The following PHACTR2 variants were observed in gnomAD, a reference collection of about 807,000 sequenced individuals.
The protein encoded by PHACTR2 is phosphatase and actin regulator 2.
PHACTR2 carries 30 observed loss-of-function variants against 76.0 expected under a neutral mutation model. The observed-to-expected ratio is 0.39, with a 90% CI of 0.30 to 0.54. The LOEUF (loss-of-function observed/expected upper bound fraction) is 0.54. Ranked by LOEUF, PHACTR2 falls within the 20% of genes least tolerant of loss-of-function variation. The pLI is 0.61. For missense variants in PHACTR2, 696 were observed against 781.1 expected (o/e 0.89, Z 1.30); for synonymous variants, 292 against 292.5 (o/e 1.00, Z 0.02).
Position 143,598,924 on chromosome 6 carries a change from C to T in PHACTR2, c.217+61717C>T, listed in dbSNP as rs545734306. On this transcript the variant is annotated intron_variant, in intron 1 of 11. Coordinates refer to the PHACTR2 transcript ENST00000367584. The surrounding 1 kb of genome is among the most constrained non-coding windows in gnomAD (Gnocchi z 4.1). ...CTGTTATCTGTTCCAGGTTTAGTGG[C>T]GTGAATAGTAAACATAGTAGATTAG... Among the ~76,000 whole-genome samples the T allele has an allele frequency of 2.0e-5, 3 of 152,210 alleles. No individual in the cohort carries two copies. Among genetic ancestry groups the T allele is most frequent in the Non-Finnish European group, 4.4e-5 (3 of 68,014 alleles).
rs1227826539 is a variant in PHACTR2, at chr6:143,664,006, CCTT to C, written c.14-48009_14-48007del. Among the ~76,000 whole-genome samples the C allele has an allele frequency of 4.0e-5, 6 of 151,756 alleles. No homozygotes were observed. The highest frequency in any genetic ancestry group is 7.3e-5 in the African/African-American group (3 of 41,316). On this transcript the variant is annotated intron_variant, in intron 1 of 11. Transcript: ENST00000305766. This position sits in a 1 kb window ranked among gnomAD's most constrained non-coding sequence, Gnocchi z 5.1. Reference sequence around the variant, plus strand: ...TTTTGATGGTATGTTAAAAATCTCTCCTTATTATTGTGGATCTGTCCGTTTATC... The same window carrying C: ...TTTTGATGGTATGTTAAAAATCTCTCATTATTGTGGATCTGTCCGTTTATC...
rs1054707719 is a variant in PHACTR2, at chr6:143,818,902, G to T, written c.1923-4772G>T. Among the ~76,000 whole-genome samples, 2 of 152,256 alleles carry T rather than the reference G, an allele frequency of 1.3e-5. No homozygotes were observed. The highest frequency in any genetic ancestry group is 2.9e-5 in the Non-Finnish European group (2 of 68,028). On this transcript the variant is annotated intron_variant, in intron 12 of 12. Coordinates refer to ENST00000440869, the MANE Select transcript of PHACTR2 (RefSeq NM_001100164.2). The surrounding 1 kb of genome is among the most constrained non-coding windows in gnomAD (Gnocchi z 4.9). ...CTTTCACATTGTATATAAAATATTT[G>T]ATTTAAGAGGTTTTCAGTTACTCTT...
chr6:143,790,442 G>A (rs1356356848), intron 11 of PHACTR2, among the ~76,000 whole-genome samples: 1 of 152,076 alleles, frequency 6.6e-6, no homozygotes, highest in African/African-American at 2.4e-5. Flanking sequence ...TGAGGACGGA[G>A]GGAGAGCACA....
Position 143,596,035 on chromosome 6 carries a change from A to G in PHACTR2, c.217+58828A>G, listed in dbSNP as rs1464186410. Among the ~76,000 whole-genome samples, 6 of 152,368 alleles carry G rather than the reference A, an allele frequency of 3.9e-5. No individual in the cohort carries two copies. The highest frequency in any genetic ancestry group is 5.9e-5 in the Non-Finnish European group (4 of 68,028). On this transcript the variant is annotated intron_variant, in intron 1 of 11. Coordinates refer to the PHACTR2 transcript ENST00000367584. This position sits in a 1 kb window ranked among gnomAD's most constrained non-coding sequence, Gnocchi z 4.6. ...ATAGTACTTTAAAGAATAAAAGAAC[A>G]CTTGAGAATGATTCAGTTGGCGGAG...
At position 143,595,230 on chromosome 6, in the gene PHACTR2, C is replaced by T. The variant is rs1356369678; in HGVS notation, c.217+58023C>T. 6.6e-6 allele frequency among the ~76,000 whole-genome samples: 1 copy of T among 152,110 alleles called. No homozygotes were observed. Among genetic ancestry groups the T allele is most frequent in the African/African-American group, 2.4e-5 (1 of 41,424 alleles). On this transcript the variant is annotated intron_variant, in intron 1 of 11. Transcript: ENST00000367584. This position sits in a 1 kb window ranked among gnomAD's most constrained non-coding sequence, Gnocchi z 4.2. ...GGATGGGCACTAAAATATATATGAA[C>T]TAAGTTAAGTATGTCAAATGACACA...
intron 9 of PHACTR2, among the ~76,000 whole-genome samples, chr6:143,781,857 GT>G (rs1775440289): frequency 6.6e-6 from 1 of 152,168 alleles, no homozygotes; most frequent in Non-Finnish European, 1.5e-5. Context: ...TTAACTCATT[GT>G]TTCTTGTCTT....
Position 143,801,812 on chromosome 6 carries a change from TGG to T in PHACTR2, c.1846-5244_1846-5243del, listed in dbSNP as rs1775961109. Among the ~76,000 whole-genome samples, 1 of 152,186 alleles carries T rather than the reference TGG, an allele frequency of 6.6e-6. No individual in the cohort carries two copies. The highest frequency in any genetic ancestry group is 6.5e-5 in the Admixed American group (1 of 15,270). ...TTTGGAATTTTCAGCCTTTCTGCCT[TGG>T]TTTCTCCCCATCTTTGTGGTTTTAT... is the stretch of plus-strand genomic sequence containing the variant. On this transcript the variant is annotated intron_variant, in intron 11 of 12. Transcript: ENST00000440869. This position sits in a 1 kb window ranked among gnomAD's most constrained non-coding sequence, Gnocchi z 4.6.
rs368419361 is a variant in PHACTR2 at position 143,563,293 on chromosome 6, G to A, written c.217+26086G>A. 5.9e-5 allele frequency among the ~76,000 whole-genome samples: 9 copies of A among 152,120 alleles called. 2 individuals carry two copies. The stretch of plus-strand genomic sequence containing the variant: ...GGCTTTTTATCAAGAGAAGAAACCC[G>A]GGGGCTCAAGCCTGTACTCCCAGCA... On this transcript the variant is annotated intron_variant, in intron 1 of 11. Coordinates refer to the PHACTR2 transcript ENST00000367584.
In PHACTR2 at chr6:143,765,613, C is replaced by T. The variant is rs200488499; in HGVS notation, c.1047C>T (p.Pro349=). 2.5e-6 allele frequency: 4 copies of T among 1,614,038 alleles called. No homozygotes were observed. The African/African-American group carries it at 5.3e-5, about 22-fold the overall frequency. ...CTCCAGCACCTTCTCCTCTGGCCCC[C>T]CCTCTCCCTCTTGAGGATCAGTGCA... ...PVAPAPSPLA[P]PLPLEDQCIT... is the part of the protein sequence containing the mutation. The change falls in exon 6 of 13, where the codon CCC becomes CCT. Residue 349 remains proline, a synonymous_variant. Coordinates refer to ENST00000440869, the MANE Select transcript of PHACTR2 (RefSeq NM_001100164.2). The surrounding 1 kb of genome is among the most constrained non-coding windows in gnomAD (Gnocchi z 4.1).
In PHACTR2 at chr6:143,751,392, C is replaced by CT. The variant is rs1779178491; in HGVS notation, c.295+2333dup. On this transcript the variant is annotated intron_variant, in intron 3 of 12. Coordinates refer to ENST00000440869, the MANE Select transcript of PHACTR2 (RefSeq NM_001100164.2). This position sits in a 1 kb window ranked among gnomAD's most constrained non-coding sequence, Gnocchi z 5.7. ...AGTCCAAGTTTGCTGCTTACCTCTG[C>CT]TTTTTTCCCTCCATCTTTTCCCTTA... Among the ~76,000 whole-genome samples, 1 of 152,168 alleles carries CT rather than the reference C, an allele frequency of 6.6e-6. No individual in the cohort carries two copies.
At chr6:143,681,815 G>C (rs1777393720) in intron 1 of PHACTR2, among the ~76,000 whole-genome samples, 1 of 152,186 alleles carries the variant, frequency 6.6e-6, no homozygotes, top group African/African-American at 2.4e-5. Context: ...AATTGTTCCA[G>C]CACCATTTGT....
At chr6:143,614,256 T>A (rs1212371326) in intron 1 of PHACTR2, among the ~76,000 whole-genome samples, 2 of 152,120 alleles carry the variant, frequency 1.3e-5, no homozygotes, top group Non-Finnish European at 2.9e-5. Flanking sequence ...TGGCATATAA[T>A]TTCCTGTGGG....
At chr6:143,682,484 G>A (rs1777414518) in intron 1 of PHACTR2, among the ~76,000 whole-genome samples, 2 of 151,996 alleles carry the variant, frequency 1.3e-5, no homozygotes, top group South Asian at 4.2e-4. Context: ...CAATATTGCA[G>A]GGATTATAGG....
Position 143,826,736 on chromosome 6 carries a change from C to T in PHACTR2, c.*3047C>T, listed in dbSNP as rs1198305735. 6.6e-6 allele frequency: 1 copy of T among 152,140 alleles called. No individual in the cohort carries two copies. Among genetic ancestry groups the T allele is most frequent in the Non-Finnish European group, 1.5e-5 (1 of 68,022 alleles). 9.4% of individuals were successfully genotyped at this position (152,140 alleles called of 1,614,324 possible). On this transcript the variant is annotated 3_prime_UTR_variant, in exon 13 of 13. Coordinates refer to ENST00000440869, the MANE Select transcript of PHACTR2 (RefSeq NM_001100164.2). ...TTAAGGCAGCTTGCCTGATAATTTC[C>T]TGTGTTATGTGAAGTGTCTTGCACT...
chr6:143,558,872 C>A lies in PHACTR2; in HGVS notation c.217+21665C>A. On this transcript the variant is annotated intron_variant, in intron 1 of 11. Coordinates refer to the PHACTR2 transcript ENST00000367584. The surrounding 1 kb of genome is among the most constrained non-coding windows in gnomAD (Gnocchi z 4.7). The stretch of plus-strand genomic sequence containing the variant: ...ATTAGGTAGCTCGAGGGCCCCTAAA[C>A]ACCTCCCTGATGATTGACCAGCTGA... Among the ~76,000 whole-genome samples, 1 of 152,190 alleles carries A rather than the reference C, an allele frequency of 6.6e-6. No homozygotes were observed. The highest frequency in any genetic ancestry group is 2.1e-4 in the South Asian group (1 of 4,830).
rs2128448106 is a variant in PHACTR2 at position 143,659,883 on chromosome 6, A to T, written c.13+51561A>T. Among the ~76,000 whole-genome samples the T allele has an allele frequency of 6.6e-6, 1 of 152,346 alleles. No homozygotes were observed. Among genetic ancestry groups the T allele is most frequent in the Non-Finnish European group, 1.5e-5 (1 of 68,034 alleles). ...GCTTTAGCACTGGTGTATTTCAACC[A>T]AATCAATTTTTAAACAAAAGACAAA... On this transcript the variant is annotated intron_variant, in intron 1 of 11. Coordinates refer to the PHACTR2 transcript ENST00000305766. This position sits in a 1 kb window ranked among gnomAD's most constrained non-coding sequence, Gnocchi z 5.0.
chr6:143,771,148 ATATATATATGTATATATATATATATG>A lies in PHACTR2; in HGVS notation c.1233-1100_1233-1075del, dbSNP rs1562300595. Reference sequence around the variant, plus strand: ...GTACTTTACATATATATATATGTATATATATATATGTATATATATATATATGTATATATATATATATGTGTGTATAT... The same window carrying A: ...GTACTTTACATATATATATATGTATATATATATATATATATGTGTGTATAT... On this transcript the variant is annotated intron_variant, in intron 6 of 12. Transcript: ENST00000440869. Among the ~76,000 whole-genome samples the A allele has an allele frequency of 4.1e-4, 31 of 75,058 alleles. 2 individuals are homozygous for A. The highest frequency in any genetic ancestry group is 1.8e-3 in the East Asian group (5 of 2,830). The allele number at this position is 75,058 out of a possible 152,430, so 49.2% of individuals were successfully genotyped here.
rs948249517 is a variant in PHACTR2 at position 143,730,764 on chromosome 6, T to C, written c.215-18221T>C. Reference sequence around the variant, plus strand: ...AGATTTTTTGTGTGTGTTTGTTTGTTTGAGACGGAGTCTTGCTCTGTGGCC... The same window carrying C: ...AGATTTTTTGTGTGTGTTTGTTTGTCTGAGACGGAGTCTTGCTCTGTGGCC... On this transcript the variant is annotated intron_variant, in intron 2 of 12. Transcript: ENST00000440869. The surrounding 1 kb of genome is among the most constrained non-coding windows in gnomAD (Gnocchi z 4.8). Among the ~76,000 whole-genome samples, 4 of 152,208 alleles carry C rather than the reference T, an allele frequency of 2.6e-5. No individual in the cohort carries two copies. Among genetic ancestry groups the C allele is most frequent in the Non-Finnish European group, 5.9e-5 (4 of 68,038 alleles).
chr6:143,564,176 TGTGTGTATGTGTGTGTGTGC>T (rs1775324183), intron 1 of PHACTR2, among the ~76,000 whole-genome samples: 1 of 35,364 alleles, frequency 2.8e-5, no homozygotes, highest in East Asian at 5.5e-4. Context: ...CATATATGTG[TGTGTGTATGTGTGTGTGTGC>T]ATATATATAT....
Sources: allele counts gnomAD v4.1 joint callset (sites outside exome capture counted in the v4.1 genomes callset), GRCh38; gene constraint gnomAD v4.1.1; non-coding constraint Gnocchi (gnomAD v3.1); transcripts MANE v1.5; gene names NCBI Gene and HGNC (gene_info 2026-07-23, HGNC 2026-07-21).